LONP1: variants seen among roughly 807,000 people sequenced by gnomAD.
LONP1 encodes lon protease homolog, mitochondrial.
Under a neutral mutation model 98.5 loss-of-function variants are expected in LONP1, and 31 were observed. That is an observed-to-expected ratio of 0.31 (90% confidence interval 0.24 to 0.42). The LOEUF is 0.42. LONP1 is among the 20% of genes least tolerant of loss of function. The probability of loss-of-function intolerance (pLI) is 1.00; values close to 1 mark genes in which losing one functional copy is unlikely to be tolerated. For synonymous variants in LONP1, 781 were observed against 594.7 expected (o/e 1.31, Z -4.56); for missense variants, 1,336 against 1,350.6 (o/e 0.99, Z 0.17).
chr19:5,692,579 G>GC (rs1390957802), intron 17 of LONP1, among the ~76,000 whole-genome samples: 1 of 152,100 alleles, frequency 6.6e-6, no homozygotes, highest in Non-Finnish European at 1.5e-5. Flanking sequence ...CTGCATCTCT[G>GC]CCCCCAGGCC....
intron 13 of LONP1, 33 bp from the exon 14 acceptor site, chr19:5,694,934 G>A (rs753691375): frequency 3.7e-5 from 58 of 1,580,098 alleles, no homozygotes; most frequent in Non-Finnish European, 4.9e-5. Context: ...TGGGTCTGGA[G>A]GGACCTTGCC....
intron 1 of LONP1, among the ~76,000 whole-genome samples, chr19:5,715,640 TCATAAAAAAAAAAAAAA>T (rs1568328720): frequency 7.4e-5 from 4 of 54,064 alleles, no homozygotes; most frequent in Admixed American, 3.2e-4. Context: ...AGACTCTGTC[TCATAAAAAAAAAAAAAA>T]AAAAAAAAAA....
At chr19:5,720,289 C>G, upstream of LONP1, 2 of 1,082,668 alleles carry the variant, frequency 1.8e-6, no homozygotes, top group Non-Finnish European at 2.5e-6. Context: ...GGGCGGAGTT[C>G]GAGCATCGGA....
intron 8 of LONP1, among the ~76,000 whole-genome samples, chr19:5,704,736 G>A (rs1253483523): frequency 6.6e-6 from 1 of 152,226 alleles, no homozygotes; most frequent in Non-Finnish European, 1.5e-5. Context: ...GGCATGCTCA[G>A]GACAGTGGCC....
rs577329989 is a variant in LONP1, at chr19:5,696,884, A to C, written c.1686-127T>G. 10 of 643,436 alleles carry C rather than the reference A, an allele frequency of 1.6e-5. No homozygotes were observed. The South Asian group carries it at 1.9e-4, about 12-fold the overall frequency. 39.9% of individuals were successfully genotyped at this position (643,436 alleles called of 1,614,324 possible). ...CCACAAGATGTGGCCATGATGTGGG[A>C]GGCGGAAATGCTGGCAGCCGCCGGA... On this transcript the variant is annotated intron_variant, in intron 10 of 17. Coordinates refer to ENST00000360614, the MANE Select transcript of LONP1 (RefSeq NM_004793.4).
In LONP1 at chr19:5,693,633, G is replaced by A. The variant is rs758471771; in HGVS notation, c.2457C>T (p.Thr819=). 6.2e-7 allele frequency: 1 copy of A among 1,614,092 alleles called. No individual in the cohort carries two copies. The highest frequency in any genetic ancestry group is 2.2e-5 in the East Asian group (1 of 44,860). Residue 819 remains threonine, a synonymous_variant, in exon 16 of 18, where the codon ACC becomes ACT. Coordinates refer to ENST00000360614, the MANE Select transcript of LONP1 (RefSeq NM_004793.4). ...VMKESARIAY[T]FARAFLMQHA... ...GCTGCATGAGGAAGGCTCTGGCGAA[G>A]GTGTAGGCTATGCGGGCGCTCTCCT...
intron 13 of LONP1, among the ~76,000 whole-genome samples, chr19:5,695,181 G>A (rs1288848977): frequency 2.0e-5 from 3 of 152,176 alleles, no homozygotes; most frequent in East Asian, 1.9e-4. Context: ...TTGCCCCATG[G>A]GCTGGCCCCA....
intron 1 of LONP1, among the ~76,000 whole-genome samples, chr19:5,716,217 T>C (rs2055315055): frequency 6.9e-6 from 1 of 144,004 alleles, no homozygotes; most frequent in African/African-American, 2.6e-5. Flanking sequence ...ATTTTCTTTT[T>C]GAAGTTTTTA....
At chr19:5,692,286 G>T (rs772293822) in intron 17 of LONP1, 78 bp from the exon 18 acceptor site, 12 of 1,404,484 alleles carry the variant, frequency 8.5e-6, no homozygotes, top group Non-Finnish European at 1.2e-5. Flanking sequence ...GAACGAAAGG[G>T]CTTCCTGGGG....
intron 1 of LONP1, among the ~76,000 whole-genome samples, chr19:5,715,312 A>G (rs991702689): frequency 6.7e-6 from 1 of 148,660 alleles, no homozygotes; most frequent in Non-Finnish European, 1.5e-5. Context: ...AATGTGACCC[A>G]CTCCAGAGAT....
Position 5,691,935 on chromosome 19 carries a change from G to C in LONP1, c.*97C>G. ...GGTCACTGGACCGAGCTGCTCGCTCGGTGGCTCCACTGCCAGGTCCGGGCG... is the reference window on the plus strand; with the variant it reads ...GGTCACTGGACCGAGCTGCTCGCTCCGTGGCTCCACTGCCAGGTCCGGGCG... On this transcript the variant is annotated 3_prime_UTR_variant, in exon 18 of 18. Coordinates refer to ENST00000360614, the MANE Select transcript of LONP1 (RefSeq NM_004793.4). 1 of 1,048,980 alleles carries C rather than the reference G, an allele frequency of 9.5e-7. No homozygotes were observed. The highest frequency in any genetic ancestry group is 1.3e-6 in the Non-Finnish European group (1 of 746,704). 65.0% of individuals were successfully genotyped at this position (1,048,980 alleles called of 1,614,324 possible).
At chr19:5,705,161 TAA>T (rs796726965) in intron 8 of LONP1, among the ~76,000 whole-genome samples, 11 of 126,102 alleles carry the variant, frequency 8.7e-5, no homozygotes, top group Admixed American at 1.7e-4. Context: ...GACTCTGTCT[TAA>T]AAAAAAAAAA....
In LONP1 at chr19:5,712,009, C is replaced by G. The variant is rs369828014; in HGVS notation, c.639-7G>C. 5.6e-6 allele frequency: 9 copies of G among 1,608,672 alleles called. No individual in the cohort carries two copies. The African/African-American group carries it at 1.1e-4, about 19-fold the overall frequency. On this transcript the variant is annotated splice_region_variant and splice_polypyrimidine_tract_variant and intron_variant, in intron 3 of 17. Transcript: ENST00000360614. ...CTGTCTGCTGATATGGACTCTGACA[C>G]GGGAGCAAGGCAGGTGTGAATCAGC...
Position 5,694,533 on chromosome 19 carries a change from T to C in LONP1, c.2174A>G (p.Tyr725Cys). ...QVEKVLRKSAYKIVSGEAESV... is the reference protein window; with the variant it reads ...QVEKVLRKSACKIVSGEAESV... ...CTCGGCCTCGCCGCTGACAATCTTG[T>C]AGGCCGATTTCCGTAACACCTGGGC... Residue 725 changes from tyrosine (Y) to cysteine (C), a missense_variant, in exon 15 of 18, where the codon TAC becomes TGC. This residue lies in a region of LONP1 where 555 missense variants were observed against 542.6 expected (regional missense o/e 1.02). Coordinates refer to ENST00000360614, the MANE Select transcript of LONP1 (RefSeq NM_004793.4). The C allele has an allele frequency of 6.2e-7, 1 of 1,611,812 alleles. No individual in the cohort carries two copies. The highest frequency in any genetic ancestry group is 8.5e-7 in the Non-Finnish European group (1 of 1,179,332).
intron 2 of LONP1, 51 bp downstream of exon 2, chr19:5,714,132 C>T: frequency 7.0e-7 from 1 of 1,421,914 alleles, no homozygotes; most frequent in Non-Finnish European, 9.9e-7. Context: ...TTGTGGTGAG[C>T]TGGACTCTAG....
At chr19:5,695,946 A>G in intron 13 of LONP1, 108 bp downstream of exon 13, 1 of 949,218 alleles carries the variant, frequency 1.1e-6, no homozygotes, top group South Asian at 1.6e-5. Flanking sequence ...CGCAGGTCCC[A>G]CCTGTCTCTC....
chr19:5,696,023 G>T, intron 13 of LONP1, 31 bp downstream of exon 13: 1 of 1,590,496 alleles, frequency 6.3e-7, no homozygotes, highest in South Asian at 1.1e-5. Flanking sequence ...GCTCTGGGAA[G>T]GGGACAGCAG....
intron 4 of LONP1, among the ~76,000 whole-genome samples, chr19:5,711,364 T>C (rs138372144): frequency 6.6e-6 from 1 of 152,244 alleles, no homozygotes; most frequent in African/African-American, 2.4e-5. Flanking sequence ...ACGGCCTAGG[T>C]TGGGGGATCA....
At chr19:5,717,330 C>A (rs1164072695) in intron 1 of LONP1, 1 of 152,180 alleles carries the variant, frequency 6.6e-6, no homozygotes, top group Non-Finnish European at 1.5e-5. Context: ...TTCCCCTCTG[C>A]CAACAGCTGA....
Sources: gnomAD v4.1 joint callset for allele counts (sites outside exome capture counted in the v4.1 genomes callset) on GRCh38, gnomAD v4.1.1 for gene constraint, gnomAD v4.1.1 regional missense constraint, MANE v1.5 for transcripts, NCBI Gene and HGNC (gene_info 2026-07-23, HGNC 2026-07-21) for gene names.